Variants in LANCL1 observed in about 807,000 individuals in gnomAD.
The protein encoded by LANCL1 is glutathione S-transferase LANCL1.
A neutral mutation model predicts 50.6 loss-of-function variants in LANCL1; 50 were observed. The observed-to-expected ratio is 0.99, with a 90% CI of 0.79 to 1.25. The LOEUF is 1.25. Ranked by LOEUF, LANCL1 falls within the 50% of genes most tolerant of loss-of-function variation. The pLI is 0.00. For synonymous variants in LANCL1, 188 were observed against 178.6 expected, an observed-to-expected ratio of 1.05 and a Z score of -0.42; for missense variants, 532 against 480.7, an observed-to-expected ratio of 1.11 and a Z score of -1.00.
At chr2:210,460,039 C>T (rs959286456) in intron 3 of LANCL1, among the ~76,000 whole-genome samples, 1 of 152,086 alleles carries the variant, frequency 6.6e-6, no homozygotes, top group African/African-American at 2.4e-5. Flanking sequence ...TTCATTTTGG[C>T]CAATCAAGAC....
Position 210,476,759 on chromosome 2 carries a change from C to G in LANCL1, c.-156G>C. On this transcript the variant is annotated 5_prime_UTR_variant, in exon 1 of 10. Transcript: ENST00000450366. ...GACAGTAACAGAAGGGCTATTTTAC[C>G]GCCCAGTTCCTGCCAGGAGGGCCAA... 4 of 1,034,372 alleles carry G rather than the reference C, an allele frequency of 3.9e-6. No individual in the cohort carries two copies. The highest frequency in any genetic ancestry group is 4.7e-6 in the Non-Finnish European group (4 of 859,898). The allele number at this position is 1,034,372 out of a possible 1,614,324, so 64.1% of individuals were successfully genotyped here.
intron 4 of LANCL1, among the ~76,000 whole-genome samples, chr2:210,447,884 T>G (rs1226486218): frequency 6.6e-6 from 1 of 152,146 alleles, no homozygotes; most frequent in East Asian, 1.9e-4. Flanking sequence ...CAAAGAGACT[T>G]AGACTCCCAC....
intron 3 of LANCL1, among the ~76,000 whole-genome samples, chr2:210,460,026 C>T (rs1423558203): frequency 6.6e-6 from 1 of 152,096 alleles, no homozygotes; most frequent in Non-Finnish European, 1.5e-5. Flanking sequence ...ATCATTAGTC[C>T]TATTCATTTT....
At chr2:210,451,336 T>A (rs1693505592) in intron 4 of LANCL1, among the ~76,000 whole-genome samples, 1 of 151,490 alleles carries the variant, frequency 6.6e-6, no homozygotes, top group African/African-American at 2.4e-5. Context: ...GGTGGGGGAC[T>A]AGGGGAGGGA....
chr2:210,463,567 A>G (rs781119374), intron 3 of LANCL1, among the ~76,000 whole-genome samples: 9 of 152,252 alleles, frequency 5.9e-5, no homozygotes, highest in Non-Finnish European at 1.3e-4. Flanking sequence ...TCAAATGATC[A>G]TAAAACTGCA....
intron 4 of LANCL1, among the ~76,000 whole-genome samples, chr2:210,444,623 G>A (rs1242122779): frequency 6.6e-6 from 1 of 152,144 alleles, no homozygotes; most frequent in African/African-American, 2.4e-5. Flanking sequence ...TGCAAATGCT[G>A]GCTCATCCAT....
intron 3 of LANCL1, among the ~76,000 whole-genome samples, chr2:210,467,970 C>T (rs931259066): frequency 6.6e-6 from 1 of 151,906 alleles, no homozygotes; most frequent in African/African-American, 2.4e-5. Flanking sequence ...TATAATTTTG[C>T]AATAGAAAAT....
rs1692836173 is a variant in LANCL1, at chr2:210,434,077, A to G, written c.*410T>C. ...CCCTCCAGTTGGAGGAAAAATATTA[A>G]AGAGAAGTGAAGTGTAATACCCAAT... On this transcript the variant is annotated 3_prime_UTR_variant, in exon 10 of 10. Coordinates refer to ENST00000450366, the MANE Select transcript of LANCL1 (RefSeq NM_006055.3). The G allele has an allele frequency of 6.5e-6, 1 of 152,836 alleles. No homozygotes were observed. Among genetic ancestry groups the G allele is most frequent in the African/African-American group, 2.4e-5 (1 of 41,476 alleles). 9.5% of individuals were successfully genotyped at this position (152,836 alleles called of 1,614,324 possible). A position where few individuals can be genotyped will look rare whatever the true frequency, so the allele number is the denominator to read the frequency against.
chr2:210,444,818 C>G (rs1271660619), intron 4 of LANCL1, among the ~76,000 whole-genome samples: 2 of 151,958 alleles, frequency 1.3e-5, no homozygotes, highest in Non-Finnish European at 2.9e-5. Context: ...GAATTATGGG[C>G]CATTTTGTTT....
At position 210,476,356 on chromosome 2, in the gene LANCL1, T is replaced by C. The variant is rs745929598; in HGVS notation, c.41A>G (p.Asn14Ser). 1.2e-6 allele frequency: 2 copies of C among 1,614,118 alleles called. No homozygotes were observed. Among genetic ancestry groups the C allele is most frequent in the South Asian group, 2.2e-5 (2 of 91,066 alleles). Residue 14 changes from asparagine (N) to serine (S), a missense_variant, in exon 2 of 10, where the codon AAC becomes AGC. Coordinates refer to ENST00000450366, the MANE Select transcript of LANCL1 (RefSeq NM_006055.3). The part of the protein sequence containing the change: ...RAFPNPYADY[N>S]KSLAEGYFDA... Reference sequence around the variant, plus strand: ...AAAGTAGCCTTCGGCCAGGGATTTGTTATAATCAGCATAAGGATTCGGGAA... The same window carrying C: ...AAAGTAGCCTTCGGCCAGGGATTTGCTATAATCAGCATAAGGATTCGGGAA...
At chr2:210,452,860 T>TAC (rs1158353404) in intron 4 of LANCL1, among the ~76,000 whole-genome samples, 1 of 152,134 alleles carries the variant, frequency 6.6e-6, no homozygotes, top group Non-Finnish European at 1.5e-5. Flanking sequence ...ACAAAGGCAG[T>TAC]ACACAGAGAA....
At chr2:210,455,354 G>T in intron 3 of LANCL1, 40 bp from the exon 4 acceptor site, 1 of 1,530,980 alleles carries the variant, frequency 6.5e-7, no homozygotes, top group South Asian at 1.2e-5. Context: ...GATGAGGAAA[G>T]GCAGTTATTT....
Position 210,476,757 on chromosome 2 carries a change from A to C in LANCL1, c.-154T>G, listed in dbSNP as rs951620286. 25 of 1,037,216 alleles carry C rather than the reference A, an allele frequency of 2.4e-5. No homozygotes were observed. Among genetic ancestry groups the C allele is most frequent in the Non-Finnish European group, 2.7e-5 (23 of 861,780 alleles). The allele number at this position is 1,037,216 out of a possible 1,614,324, so 64.3% of individuals were successfully genotyped here. A position where few individuals can be genotyped will look rare whatever the true frequency, so the allele number is the denominator to read the frequency against. ...CGGACAGTAACAGAAGGGCTATTTTACCGCCCAGTTCCTGCCAGGAGGGCC... is the reference window on the plus strand; with the variant it reads ...CGGACAGTAACAGAAGGGCTATTTTCCCGCCCAGTTCCTGCCAGGAGGGCC... On this transcript the variant is annotated 5_prime_UTR_variant, in exon 1 of 10. Coordinates refer to ENST00000450366, the MANE Select transcript of LANCL1 (RefSeq NM_006055.3).
At chr2:210,441,148 A>G (rs1693115972) in intron 5 of LANCL1, among the ~76,000 whole-genome samples, 160 bp downstream of exon 5, 1 of 152,202 alleles carries the variant, frequency 6.6e-6, no homozygotes, top group African/African-American at 2.4e-5. Flanking sequence ...AGCACTCCGT[A>G]GAAAGCTATT....
rs1029549693 is a variant in LANCL1, at chr2:210,472,292, TTTAG to T, written c.82-220_82-217del. On this transcript the variant is annotated intron_variant, in intron 2 of 9. Coordinates refer to ENST00000450366, the MANE Select transcript of LANCL1 (RefSeq NM_006055.3). The stretch of plus-strand genomic sequence containing the variant: ...ACTTATACATGTTTTAAATAAAATT[TTTAG>T]TTAAATACTAAAACAGACTGCCAAT... Among the ~76,000 whole-genome samples, 6 of 152,342 alleles carry T rather than the reference TTTAG, an allele frequency of 3.9e-5. No homozygotes were observed. The East Asian group carries it at 1.2e-3, about 29-fold the overall frequency.
At chr2:210,451,740 A>C (rs1693516445) in intron 4 of LANCL1, among the ~76,000 whole-genome samples, 1 of 152,192 alleles carries the variant, frequency 6.6e-6, no homozygotes, top group African/African-American at 2.4e-5. Flanking sequence ...CACTGGCTAT[A>C]TAGGCTCCAG....
intron 3 of LANCL1, among the ~76,000 whole-genome samples, chr2:210,463,869 GAT>G (rs1394280430): frequency 1.3e-5 from 2 of 152,154 alleles, no homozygotes; most frequent in Non-Finnish European, 1.5e-5. Context: ...AAAAGTCAGG[GAT>G]ACAGCTTGTA....
intron 3 of LANCL1, among the ~76,000 whole-genome samples, chr2:210,461,744 A>G (rs1012336227): frequency 1.4e-4 from 15 of 108,978 alleles, no homozygotes; most frequent in Non-Finnish European, 5.9e-5. Flanking sequence ...AGAGTCCTGT[A>G]TGTATTTTTT....
intron 2 of LANCL1, among the ~76,000 whole-genome samples, chr2:210,475,467 G>T (rs1384451262): frequency 6.6e-6 from 1 of 152,076 alleles, no homozygotes; most frequent in Admixed American, 6.6e-5. Context: ...AAGTAGCTGG[G>T]ACTACAAGCT....
Sources: allele counts gnomAD v4.1 joint callset (sites outside exome capture counted in the v4.1 genomes callset), GRCh38; gene constraint gnomAD v4.1.1; transcripts MANE v1.5; gene names NCBI Gene and HGNC (gene_info 2026-07-23, HGNC 2026-07-21).